Variants in SPHKAP observed in about 807,000 individuals in gnomAD.
The protein encoded by SPHKAP is SPHK1 interactor, AKAP domain containing.
Under a neutral mutation model 137.5 loss-of-function variants are expected in SPHKAP, and 67 were observed. That is an observed-to-expected ratio of 0.49 (90% CI 0.40 to 0.60). SPHKAP has a LOEUF of 0.60. Among genes scored for constraint, SPHKAP ranks in the 20% least tolerant of loss-of-function variants. SPHKAP has a pLI of 0.00. For missense variants in SPHKAP, 2,097 were observed against 2,069.3 expected, an observed-to-expected ratio of 1.01 and a Z score of -0.26; for synonymous variants, 813 against 785.3, an observed-to-expected ratio of 1.04 and a Z score of -0.59.
chr2:228,117,957 A>G (rs550878621), intron 2 of SPHKAP, among the ~76,000 whole-genome samples: 2 of 152,070 alleles, frequency 1.3e-5, no homozygotes, highest in African/African-American at 4.8e-5. Context: ...ACATACTAAG[A>G]GATAAAAAGA....
intron 3 of SPHKAP, among the ~76,000 whole-genome samples, chr2:228,102,568 A>C (rs1207031782): frequency 1.3e-5 from 2 of 152,146 alleles, no homozygotes; most frequent in African/African-American, 4.8e-5. Context: ...ATTTGTAAAA[A>C]CTTTTTCTTT....
intron 8 of SPHKAP, among the ~76,000 whole-genome samples, chr2:227,994,263 T>C (rs1693539700): frequency 1.3e-5 from 2 of 152,090 alleles, no homozygotes; most frequent in African/African-American, 4.8e-5. Flanking sequence ...TTTTTTACTG[T>C]AGAGAGGGAG....
rs769377267 is a variant in SPHKAP, at chr2:228,181,610, G to A, written c.-12C>T. Reference sequence around the variant, plus strand: ...GAGTTGCCATCCATTGTTGGTGGGCGCCCAGAGAAGAAAGACGGAAAGTGC... The same window carrying A: ...GAGTTGCCATCCATTGTTGGTGGGCACCCAGAGAAGAAAGACGGAAAGTGC... On this transcript the variant is annotated 5_prime_UTR_variant, in exon 1 of 12. Coordinates refer to ENST00000392056, the MANE Select transcript of SPHKAP (RefSeq NM_001142644.2). The surrounding 1 kb of genome is among the most constrained non-coding windows in gnomAD (Gnocchi z 4.3). 3 of 1,614,150 alleles carry A rather than the reference G, an allele frequency of 1.9e-6. No individual in the cohort carries two copies. The highest frequency in any genetic ancestry group is 2.2e-5 in the South Asian group (2 of 91,078).
At chr2:228,162,720 C>T (rs1232922028) in intron 1 of SPHKAP, among the ~76,000 whole-genome samples, 3 of 151,938 alleles carry the variant, frequency 2.0e-5, no homozygotes, top group South Asian at 2.1e-4. Flanking sequence ...TTTTTTTAGA[C>T]GGAGTTTTAC....
intron 1 of SPHKAP, among the ~76,000 whole-genome samples, chr2:228,180,548 G>A (rs1264881016): frequency 6.6e-6 from 1 of 152,130 alleles, no homozygotes; most frequent in East Asian, 1.9e-4. Flanking sequence ...TACCTGCTTG[G>A]GGAAAAGAGG....
intron 3 of SPHKAP, among the ~76,000 whole-genome samples, chr2:228,032,414 C>T (rs760161432): frequency 2.0e-5 from 3 of 152,148 alleles, no homozygotes; most frequent in Non-Finnish European, 4.4e-5. Context: ...ATTGCTGTAC[C>T]TGAAACTGAC....
chr2:228,038,172 G>A (rs1695703010), intron 3 of SPHKAP, among the ~76,000 whole-genome samples: 1 of 152,180 alleles, frequency 6.6e-6, no homozygotes, highest in African/African-American at 2.4e-5. Flanking sequence ...TCTGTCTGAA[G>A]GCAGGACATG....
chr2:228,044,347 C>CT (rs1695952682), intron 3 of SPHKAP, among the ~76,000 whole-genome samples: 1 of 152,104 alleles, frequency 6.6e-6, no homozygotes, highest in Non-Finnish European at 1.5e-5. Flanking sequence ...AGAGGTGCTT[C>CT]TTTTTTTAAC....
intron 3 of SPHKAP, among the ~76,000 whole-genome samples, chr2:228,050,650 C>A (rs1226908565): frequency 2.6e-5 from 4 of 152,116 alleles, no homozygotes; most frequent in Non-Finnish European, 5.9e-5. Context: ...CATTTGAATT[C>A]TTTTCCTCTA....
At chr2:228,031,548 T>A (rs1189688213) in intron 3 of SPHKAP, among the ~76,000 whole-genome samples, 3 of 152,202 alleles carry the variant, frequency 2.0e-5, no homozygotes, top group African/African-American at 4.8e-5. Context: ...GCTGGAGATC[T>A]GAGAATGGGC....
intron 3 of SPHKAP, among the ~76,000 whole-genome samples, chr2:228,071,001 A>C (rs1696987794): frequency 6.6e-6 from 1 of 152,132 alleles, no homozygotes; most frequent in Non-Finnish European, 1.5e-5. Flanking sequence ...CTTATTGGCA[A>C]GGTACATGAT....
At chr2:228,002,792 C>A (rs577072943) in intron 7 of SPHKAP, among the ~76,000 whole-genome samples, 355 of 152,268 alleles carry the variant, frequency 2.3e-3, no homozygotes, top group Non-Finnish European at 4.0e-3. Flanking sequence ...ATATGGCTAG[C>A]CAGTTTTCCC....
intron 3 of SPHKAP, among the ~76,000 whole-genome samples, chr2:228,042,849 G>T (rs1156381879): frequency 6.6e-6 from 1 of 152,038 alleles, no homozygotes; most frequent in Non-Finnish European, 1.5e-5. Context: ...GTTTTTCAGG[G>T]CTATGGAACA....
intron 1 of SPHKAP, among the ~76,000 whole-genome samples, chr2:228,163,357 GA>G (rs1367140530): frequency 6.6e-6 from 1 of 152,018 alleles, no homozygotes; most frequent in Admixed American, 6.5e-5. Context: ...TTAGAATAAA[GA>G]AATAATATTT....
chr2:228,154,231 A>C (rs895041886), intron 1 of SPHKAP, among the ~76,000 whole-genome samples: 2 of 151,988 alleles, frequency 1.3e-5, no homozygotes, highest in African/African-American at 4.8e-5. Flanking sequence ...GTTTAAAGAC[A>C]TTGCACTTAC....
At chr2:228,009,829 T>G (rs190965246) in intron 7 of SPHKAP, among the ~76,000 whole-genome samples, 8 of 152,332 alleles carry the variant, frequency 5.3e-5, no homozygotes, top group Non-Finnish European at 7.4e-5. Flanking sequence ...GGGTCTCTAC[T>G]AAGTACTGTG....
chr2:228,014,101 A>G (rs944881353), intron 7 of SPHKAP, among the ~76,000 whole-genome samples: 4 of 152,212 alleles, frequency 2.6e-5, no homozygotes, highest in Non-Finnish European at 5.9e-5. Flanking sequence ...TTAATTCATA[A>G]TTGTATTATG....
At chr2:228,164,923 C>T (rs928614022) in intron 1 of SPHKAP, among the ~76,000 whole-genome samples, 3 of 152,178 alleles carry the variant, frequency 2.0e-5, no homozygotes, top group Admixed American at 6.5e-5. Flanking sequence ...TGTCAATTTG[C>T]TATATGTCCA....
At chr2:228,153,032 C>T (rs1373130841) in intron 1 of SPHKAP, among the ~76,000 whole-genome samples, 2 of 152,144 alleles carry the variant, frequency 1.3e-5, no homozygotes, top group Non-Finnish European at 2.9e-5. Flanking sequence ...TCCCCTTTCA[C>T]TTGGCTCTCA....
Sources: gnomAD v4.1 joint callset for allele counts (sites outside exome capture counted in the v4.1 genomes callset) on GRCh38, gnomAD v4.1.1 for gene constraint, Gnocchi (gnomAD v3.1) non-coding constraint, MANE v1.5 for transcripts, NCBI Gene and HGNC (gene_info 2026-07-23, HGNC 2026-07-21) for gene names.